The following PDLIM2 variants were observed in gnomAD, a reference collection of about 807,000 sequenced individuals.
PDLIM2 encodes PDZ and LIM domain protein 2.
A neutral mutation model predicts 54.1 loss-of-function variants in PDLIM2; 51 were observed. The observed-to-expected ratio is 0.94, with a 90% confidence interval of 0.75 to 1.19. The LOEUF is 1.19. Among genes scored for constraint, PDLIM2 ranks in the 50% most tolerant of loss-of-function variants. The probability of loss-of-function intolerance (pLI) is 0.00; values close to 1 mark genes in which losing one functional copy is unlikely to be tolerated. For missense variants in PDLIM2, 912 were observed against 874.0 expected, an observed-to-expected ratio of 1.04 and a Z score of -0.55; for synonymous variants, 398 against 385.6, an observed-to-expected ratio of 1.03 and a Z score of -0.38.
chr8:22,589,275 C>G, intron 6 of PDLIM2, 23 bp from the exon 6 acceptor site: 7 of 1,533,408 alleles, frequency 4.6e-6, no homozygotes, highest in Non-Finnish European at 6.1e-6. Flanking sequence ...CCTGACTCCT[C>G]CCCGGCTGCC....
Position 22,589,227 on chromosome 8 carries a change from G to C in PDLIM2, c.1291-71G>C, listed in dbSNP as rs1295187837. ...TGGTGTCGGGCCTGGGAACAGCCGGGCTAGGCCCTCCTGGGTGTGTTGGCC... is the reference window on the plus strand; with the variant it reads ...TGGTGTCGGGCCTGGGAACAGCCGGCCTAGGCCCTCCTGGGTGTGTTGGCC... On this transcript the variant is annotated intron_variant, in intron 6 of 9. Transcript: ENST00000308354. The C allele has an allele frequency of 2.0e-6, 3 of 1,492,080 alleles. No individual in the cohort carries two copies. In the South Asian group the frequency reaches 3.6e-5, roughly 18 times the overall value. 92.4% of individuals were successfully genotyped at this position (1,492,080 alleles called of 1,614,324 possible).
intron 8 of PDLIM2, 153 bp downstream of exon 7, chr8:22,589,894 C>CCT (rs1467298389): frequency 4.4e-6 from 5 of 1,128,466 alleles, no homozygotes; most frequent in Non-Finnish European, 6.2e-6. Context: ...AGCCCCAGCC[C>CCT]CTGCCCATAA....
chr8:22,588,926 C>A, intron 6 of PDLIM2: 1 of 326,098 alleles, frequency 3.1e-6, no homozygotes, highest in Non-Finnish European at 5.6e-6. Flanking sequence ...TCCGTGGGAT[C>A]GGAGCCAGGC....
At chr8:22,580,478 T>C in intron 1 of PDLIM2, 2 of 1,556,420 alleles carry the variant, frequency 1.3e-6, no homozygotes, top group East Asian at 2.4e-5. Context: ...CCAAAGCCCC[T>C]GAGTAGCTGC....
chr8:22,578,993 G>A lies in PDLIM2; in HGVS notation c.214G>A (p.Gly72Ser), dbSNP rs1800110345. 12 of 1,241,748 alleles carry A rather than the reference G, an allele frequency of 9.7e-6. No individual in the cohort carries two copies. The South Asian group carries it at 2.7e-4, about 28-fold the overall frequency. The allele number at this position is 1,241,748 out of a possible 1,614,324, so 76.9% of individuals were successfully genotyped here. A position where few individuals can be genotyped will look rare whatever the true frequency, so the allele number is the denominator to read the frequency against. The change falls in exon 1 of 10, where the codon GGC becomes AGC. Residue 72 changes from glycine (G) to serine (S), a missense_variant. Gly to Ser is a moderately conservative substitution (Grantham distance 56). Coordinates refer to ENST00000308354, the Ensembl canonical transcript of PDLIM2. The stretch of plus-strand genomic sequence containing the variant: ...TGGGGACAGCCTGCCTCATCCCCCC[G>A]GCGGGCTCGGGCCAGGTGGCAGCGC...
At chr8:22,579,417 G>C in exon 1 of PDLIM2, 1 of 1,514,312 alleles carries the variant, frequency 6.6e-7, no homozygotes, top group Admixed American at 2.0e-5. Flanking sequence ...CCAGCCCGCA[G>C]GGTACTTTGC....
At chr8:22,584,946 G>T in intron 4 of PDLIM2, 56 bp downstream of exon 3, 4 of 1,613,888 alleles carry the variant, frequency 2.5e-6, no homozygotes, top group Non-Finnish European at 3.4e-6. Flanking sequence ...GTGCATGAAA[G>T]TGAGGCCCGA....
At chr8:22,579,801 C>G (rs1586917138) in intron 1 of PDLIM2, 1 of 393,460 alleles carries the variant, frequency 2.5e-6, no homozygotes, top group African/African-American at 2.1e-5. Flanking sequence ...CCACAGGGGT[C>G]TGTCTGCAAG....
Position 22,585,383 on chromosome 8 carries a change from G to T in PDLIM2, c.1274G>T (p.Arg425Leu), listed in dbSNP as rs375595776. 1.7e-5 allele frequency: 28 copies of T among 1,610,190 alleles called. No individual in the cohort carries two copies. Among genetic ancestry groups the T allele is most frequent in the Non-Finnish European group, 2.1e-5 (25 of 1,178,672 alleles). The change falls in exon 6 of 10, where the codon CGC (arginine) becomes CTC (leucine). Residue 425 changes from arginine (R) to leucine (L), a missense_variant. Coordinates refer to ENST00000308354, the Ensembl canonical transcript of PDLIM2. ...GCTGACCGCCTGTCCTACTCAGGCC[G>T]CCCTGGAAGCCGACAGGTGAGGCTC...
At chr8:22,593,654 T>G in intron 9 of PDLIM2, 79 bp from the exon 9 acceptor site, 1 of 1,314,340 alleles carries the variant, frequency 7.6e-7, no homozygotes, top group South Asian at 1.4e-5. Context: ...GATGCTACAG[T>G]GGGGACCAGG....
chr8:22,582,275 C>T (rs1489551790), intron 3 of PDLIM2, among the ~76,000 whole-genome samples: 2 of 152,234 alleles, frequency 1.3e-5, no homozygotes, highest in Admixed American at 6.5e-5. Context: ...CCCTACCAAG[C>T]CCCTCCTTCT....
intron 5 of PDLIM2, 62 bp downstream of exon 4, chr8:22,585,224 C>T: frequency 3.1e-6 from 5 of 1,605,184 alleles, no homozygotes; most frequent in Non-Finnish European, 4.3e-6. Context: ...GCTGGCTCCT[C>T]TGAGTCTCAG....
At position 22,581,637 on chromosome 8, in the gene PDLIM2, G is replaced by A. The variant is rs142611909; in HGVS notation, c.995+107G>A. 1.1e-3 allele frequency: 1,472 copies of A among 1,378,002 alleles called. 12 individuals carry two copies. In the African/African-American group the frequency reaches 0.02, roughly 18 times the overall value. The allele number at this position is 1,378,002 out of a possible 1,614,324, so 85.4% of individuals were successfully genotyped here. On this transcript the variant is annotated intron_variant, in intron 3 of 9. Coordinates refer to ENST00000308354, the Ensembl canonical transcript of PDLIM2. Reference sequence around the variant, plus strand: ...ATGGGCTAGAGCTCAGCCCTAAAGCGGCCTTCTTGGGCCCTCTCCACACCT... The same window carrying A: ...ATGGGCTAGAGCTCAGCCCTAAAGCAGCCTTCTTGGGCCCTCTCCACACCT...
chr8:22,587,514 T>TGCCCC (rs1800413358), intron 6 of PDLIM2, among the ~76,000 whole-genome samples: 1 of 150,570 alleles, frequency 6.6e-6, no homozygotes, highest in African/African-American at 2.4e-5. Flanking sequence ...TGCCCTGCCC[T>TGCCCC]GCCCCACCCC....
chr8:22,584,165 G>A (rs1800298313), intron 3 of PDLIM2, among the ~76,000 whole-genome samples: 1 of 148,224 alleles, frequency 6.7e-6, no homozygotes, highest in African/African-American at 2.5e-5. Context: ...CTATGGCTTG[G>A]CTAAATTTTT....
chr8:22,579,273 C>T, exon 1 of PDLIM2: 1 of 1,367,838 alleles, frequency 7.3e-7, no homozygotes, highest in Non-Finnish European at 9.4e-7. Flanking sequence ...CTCCCCGGCG[C>T]CGGGCTCCTC....
chr8:22,584,516 G>T (rs1800315606), intron 3 of PDLIM2, among the ~76,000 whole-genome samples: 1 of 152,154 alleles, frequency 6.6e-6, no homozygotes, highest in Non-Finnish European at 1.5e-5. Context: ...TTCCTATGTT[G>T]CCCAGGCTGG....
intron 9 of PDLIM2, chr8:22,592,210 T>A (rs949720140): frequency 5.9e-5 from 9 of 151,566 alleles, no homozygotes; most frequent in African/African-American, 2.2e-4. Context: ...GCCTCCCGAG[T>A]TGTTGGGGCT....
intron 3 of PDLIM2, 75 bp downstream of exon 2, chr8:22,581,605 C>G: frequency 2.0e-6 from 3 of 1,485,472 alleles, no homozygotes; most frequent in South Asian, 2.7e-5. Flanking sequence ...AGCCCTTGCT[C>G]CTGCCCATGG....
Sources: gnomAD v4.1 joint callset for allele counts (sites outside exome capture counted in the v4.1 genomes callset) on GRCh38, gnomAD v4.1.1 for gene constraint, MANE v1.5 for transcripts, NCBI Gene and HGNC (gene_info 2026-07-23, HGNC 2026-07-21) for gene names.